CD163L1: variants seen among roughly 807,000 people sequenced by gnomAD.
The protein encoded by CD163L1 is CD163 molecule like 1.
A neutral mutation model predicts 165.4 loss-of-function variants in CD163L1; 124 were observed. The observed-to-expected ratio is 0.75, with a 90% CI of 0.65 to 0.87. The LOEUF is 0.87. Among genes scored for constraint, CD163L1 ranks in the 40% least tolerant of loss-of-function variants. CD163L1 has a pLI of 0.00. For missense variants in CD163L1, 1,525 were observed against 1,799.9 expected, an observed-to-expected ratio of 0.85 and a Z score of 2.76; for synonymous variants, 585 against 662.2, an observed-to-expected ratio of 0.88 and a Z score of 1.79.
downstream of CD163L1, among the ~76,000 whole-genome samples, chr12:7,354,210 T>A (rs780415382): frequency 8.5e-5 from 13 of 152,208 alleles, no homozygotes; most frequent in South Asian, 2.5e-3. Flanking sequence ...TTCTTTTTTT[T>A]GTTTGTTTTA....
intron 8 of CD163L1, among the ~76,000 whole-genome samples, chr12:7,388,966 T>G (rs1452092400): frequency 6.6e-6 from 1 of 152,222 alleles, no homozygotes; most frequent in Non-Finnish European, 1.5e-5. Flanking sequence ...ATAGTACTCC[T>G]TTGTGTATAT....
intron 8 of CD163L1, among the ~76,000 whole-genome samples, chr12:7,394,094 A>C (rs1310664072): frequency 2.0e-5 from 3 of 148,930 alleles, no homozygotes; most frequent in Non-Finnish European, 4.4e-5. Context: ...TGGAACCAAA[A>C]AAAAACAAAA....
chr12:7,376,164 C>T (rs1947269900), intron 9 of CD163L1, 150 bp from the exon 10 acceptor site: 1 of 674,048 alleles, frequency 1.5e-6, no homozygotes, highest in African/African-American at 1.8e-5. Context: ...ATTAGCAGTA[C>T]AGACTTAAAT....
the CD163L1 span, among the ~76,000 whole-genome samples, chr12:7,333,441 A>G: frequency 1.3e-3 from 192 of 152,320 alleles, no homozygotes; most frequent in African/African-American, 4.4e-3. Context: ...TTTGAAACCA[A>G]TGAGAACAAA....
At chr12:7,322,581 C>G in the CD163L1 span, 4 of 1,565,406 alleles carry the variant, frequency 2.6e-6, no homozygotes, top group Non-Finnish European at 3.5e-6. Flanking sequence ...TATGTGGGGG[C>G]CTTTCTGCCC....
At chr12:7,328,436 A>C in the CD163L1 span, 1 of 1,239,466 alleles carries the variant, frequency 8.1e-7, no homozygotes. Context: ...ATTTGTTCCG[A>C]TAATTCAGCG....
chr12:7,333,267 G>C, the CD163L1 span, among the ~76,000 whole-genome samples: 45 of 152,112 alleles, frequency 3.0e-4, no homozygotes, highest in Non-Finnish European at 1.5e-4. Flanking sequence ...AAATGTAAAA[G>C]AACAAAAATT....
intron 18 of CD163L1, among the ~76,000 whole-genome samples, chr12:7,361,830 T>C (rs1317918516): frequency 6.6e-6 from 1 of 152,090 alleles, no homozygotes; most frequent in East Asian, 1.9e-4. Flanking sequence ...CAGTTTTTTG[T>C]GCAACCGTTA....
In CD163L1 at chr12:7,421,030, T is replaced by C. The variant is rs192609130; in HGVS notation, c.766+11386A>G. On this transcript the variant is annotated intron_variant, in intron 4 of 19. Coordinates refer to ENST00000313599, the MANE Select transcript of CD163L1 (RefSeq NM_174941.6). ...ATATACGTGTATATATATACATATATATATACGTGTATATATATGTATATA... is the reference window on the plus strand; with the variant it reads ...ATATACGTGTATATATATACATATACATATACGTGTATATATATGTATATA... Among the ~76,000 whole-genome samples, 14 of 108,054 alleles carry C rather than the reference T, an allele frequency of 1.3e-4. No individual in the cohort carries two copies. The East Asian group carries it at 4.2e-3, about 32-fold the overall frequency. The allele number at this position is 108,054 out of a possible 152,430, so 70.9% of individuals were successfully genotyped here.
In CD163L1 at chr12:7,444,146, T is replaced by G. The variant is rs1324951069; in HGVS notation, c.-19A>C. 1.9e-6 allele frequency: 3 copies of G among 1,613,210 alleles called. No homozygotes were observed. The highest frequency in any genetic ancestry group is 2.2e-5 in the South Asian group (2 of 90,996). Reference sequence around the variant, plus strand: ...GCATCATTATGGGTCTATCTCTTCCTGAGTCCTGATGTAACTCCTGGGTCC... The same window carrying G: ...GCATCATTATGGGTCTATCTCTTCCGGAGTCCTGATGTAACTCCTGGGTCC... On this transcript the variant is annotated 5_prime_UTR_variant, in exon 1 of 20. Coordinates refer to ENST00000313599, the MANE Select transcript of CD163L1 (RefSeq NM_174941.6).
chr12:7,441,380 CAAGA>C (rs1160594567), intron 1 of CD163L1, 134 bp from the exon 2 acceptor site: 2 of 632,014 alleles, frequency 3.2e-6, no homozygotes, highest in East Asian at 5.7e-5. Context: ...GGATACCGCA[CAAGA>C]AAGTCCTTTT....
intron 4 of CD163L1, among the ~76,000 whole-genome samples, chr12:7,416,427 A>G (rs1033308473): frequency 1.3e-5 from 2 of 152,150 alleles, no homozygotes; most frequent in East Asian, 1.9e-4. Context: ...GTTTAATTAG[A>G]TCCCATTTGT....
At chr12:7,410,765 G>A (rs1279746903) in intron 4 of CD163L1, among the ~76,000 whole-genome samples, 1 of 151,772 alleles carries the variant, frequency 6.6e-6, no homozygotes, top group Non-Finnish European at 1.5e-5. Context: ...AGGAGGCAGA[G>A]GTTGCAGTGA....
rs374656452 is a variant in CD163L1, at chr12:7,396,092, T to G, written c.2050+3A>C. 4.4e-6 allele frequency: 7 copies of G among 1,608,244 alleles called. No individual in the cohort carries two copies. The East Asian group carries it at 8.9e-5, about 21-fold the overall frequency. On this transcript the variant is annotated splice_donor_region_variant and intron_variant, in intron 8 of 19. Coordinates refer to ENST00000313599, the MANE Select transcript of CD163L1 (RefSeq NM_174941.6). The stretch of plus-strand genomic sequence containing the variant: ...TAAGGAAGCCCTGGTTTGGGTATCT[T>G]ACCAGAACAGATCACTCCAACATCT...
chr12:7,338,220 T>C, the CD163L1 span, among the ~76,000 whole-genome samples: 1 of 152,132 alleles, frequency 6.6e-6, no homozygotes, highest in Non-Finnish European at 1.5e-5. Context: ...ATGTAGATGA[T>C]GGATGATGGG....
In CD163L1 at chr12:7,432,028, G is replaced by A. The variant is rs974726830; in HGVS notation, c.766+388C>T. ...GTGAGATTAGGGACTTAGTCCTGATGAAATCTAAGTTTTGGTAGCTGGAAA... is the reference window on the plus strand; with the variant it reads ...GTGAGATTAGGGACTTAGTCCTGATAAAATCTAAGTTTTGGTAGCTGGAAA... On this transcript the variant is annotated intron_variant, in intron 4 of 19. Transcript: ENST00000313599. This position sits in a 1 kb window ranked among gnomAD's most constrained non-coding sequence, Gnocchi z 4.2. Among the ~76,000 whole-genome samples the A allele has an allele frequency of 6.6e-6, 1 of 152,154 alleles. No homozygotes were observed.
Position 7,379,086 on chromosome 12 carries a change from A to G in CD163L1, c.2263T>C (p.Ser755Pro). 2 of 1,614,168 alleles carry G rather than the reference A, an allele frequency of 1.2e-6. No homozygotes were observed. The highest frequency in any genetic ancestry group is 2.2e-5 in the South Asian group (2 of 91,078). ...FTERTLHILM[S>P]NSGCTGGEAS... ...TCCCCTCCAGTGCAGCCAGAATTCG[A>G]CATTAAGATGTGTAATGTTCTTTCT... is the stretch of plus-strand genomic sequence containing the variant. Residue 755 changes from serine to proline, a missense_variant, in exon 9 of 20, where the codon TCG (serine) becomes CCG (proline). Ser to Pro is a moderately conservative substitution (Grantham distance 74). Transcript: ENST00000313599.
rs778171585 is a variant in CD163L1 at position 7,406,753 on chromosome 12, T to C, written c.866A>G (p.His289Arg). ...ATCAGCTGCAGCATTGTTCCACTTA[T>C]GGTGGCATACGGTCCCCCACCTTCC... is the stretch of plus-strand genomic sequence containing the variant. ...IQGRWGTVCH[H>R]KWNNAAADVV... The change falls in exon 5 of 20, where the codon CAT (histidine) becomes CGT (arginine). Residue 289 changes from histidine (H) to arginine (R), a missense_variant. By Grantham distance (29) the His-to-Arg change is conservative. Coordinates refer to ENST00000313599, the MANE Select transcript of CD163L1 (RefSeq NM_174941.6). 3 of 1,614,054 alleles carry C rather than the reference T, an allele frequency of 1.9e-6. No homozygotes were observed. The highest frequency in any genetic ancestry group is 2.5e-6 in the Non-Finnish European group (3 of 1,179,984).
At chr12:7,332,451 C>T in the CD163L1 span, among the ~76,000 whole-genome samples, 370 of 150,340 alleles carry the variant, frequency 2.5e-3, no homozygotes, top group African/African-American at 8.5e-3. Context: ...AGATACTCCT[C>T]GAGAAGAGCA....
Sources: allele counts gnomAD v4.1 joint callset (sites outside exome capture counted in the v4.1 genomes callset), GRCh38; gene constraint gnomAD v4.1.1; non-coding constraint Gnocchi (gnomAD v3.1); transcripts MANE v1.5; gene names NCBI Gene and HGNC (gene_info 2026-07-23, HGNC 2026-07-21).